Variants in GALNT13 observed in about 807,000 individuals in gnomAD.
The protein encoded by GALNT13 is UDP-GalNAc:polypeptide N-acetylgalactosaminyltransferase 13.
Under a neutral mutation model 64.2 loss-of-function variants are expected in GALNT13, and 28 were observed. That is an observed-to-expected ratio of 0.44 (90% CI 0.32 to 0.60). The LOEUF is 0.60. Among genes scored for constraint, GALNT13 ranks in the 20% least tolerant of loss-of-function variants. The pLI is 0.05. For missense variants in GALNT13, 577 were observed against 669.8 expected (o/e 0.86, Z 1.53); for synonymous variants, 214 against 224.6 (o/e 0.95, Z 0.42).
chr2:153,528,875 C>T, the GALNT13 span, among the ~76,000 whole-genome samples: 4 of 151,598 alleles, frequency 2.6e-5, no homozygotes, highest in African/African-American at 7.3e-5. Context: ...TTGAAACAAA[C>T]GACAATAGAA....
chr2:153,816,292 T>A, the GALNT13 span, among the ~76,000 whole-genome samples: 10 of 151,886 alleles, frequency 6.6e-5, no homozygotes, highest in African/African-American at 1.2e-4. Flanking sequence ...TCTGAGGAGA[T>A]GTGTGGGTGG....
intron 9 of GALNT13, among the ~76,000 whole-genome samples, chr2:154,335,143 C>A (rs1322094836): frequency 2.0e-5 from 3 of 151,874 alleles, no homozygotes; most frequent in African/African-American, 7.2e-5. Context: ...TCAACTGCAT[C>A]CTAATTGTTT....
At chr2:153,125,133 G>C in the GALNT13 span, among the ~76,000 whole-genome samples, 2 of 152,154 alleles carry the variant, frequency 1.3e-5, no homozygotes, top group African/African-American at 4.8e-5. Flanking sequence ...AACATAATTT[G>C]ATATTGATTT....
intron 9 of GALNT13, among the ~76,000 whole-genome samples, chr2:154,376,061 T>C (rs1697976042): frequency 2.0e-5 from 3 of 152,192 alleles, no homozygotes; most frequent in Admixed American, 2.0e-4. Context: ...GAATATATAA[T>C]TTGCCCTTCT....
intron 3 of GALNT13, among the ~76,000 whole-genome samples, chr2:154,126,511 G>T (rs373287449): frequency 6.6e-5 from 10 of 151,864 alleles, no homozygotes; most frequent in South Asian, 4.2e-4. Flanking sequence ...GGTGGGCGCC[G>T]GTAGTCCCAG....
the GALNT13 span, among the ~76,000 whole-genome samples, chr2:153,309,361 A>G: frequency 2.0e-5 from 3 of 152,160 alleles, no homozygotes; most frequent in Admixed American, 1.3e-4. Context: ...TATAACATGT[A>G]CAAGTCCTGT....
upstream of GALNT13, among the ~76,000 whole-genome samples, chr2:153,870,628 TACAGTTATTAACATAG>T (rs1685862108): frequency 6.6e-6 from 1 of 151,674 alleles, no homozygotes; most frequent in African/African-American, 2.4e-5. Flanking sequence ...GAGACATTAA[TACAGTTATTAACATAG>T]AAATTTAAAT....
chr2:154,304,786 A>G (rs560809394), intron 9 of GALNT13, among the ~76,000 whole-genome samples: 40 of 152,332 alleles, frequency 2.6e-4, no homozygotes, highest in African/African-American at 9.6e-4. Context: ...TTGTTTTATA[A>G]AATGGATTTA....
the GALNT13 span, among the ~76,000 whole-genome samples, chr2:153,418,897 G>A: frequency 6.6e-6 from 1 of 152,110 alleles, no homozygotes; most frequent in East Asian, 1.9e-4. Flanking sequence ...AAGGGAGAGT[G>A]GAAGGAAGGA....
the GALNT13 span, among the ~76,000 whole-genome samples, chr2:153,177,341 A>G: frequency 6.6e-6 from 1 of 152,140 alleles, no homozygotes; most frequent in African/African-American, 2.4e-5. Flanking sequence ...TAGAGGATAT[A>G]AAATAGAAAA....
intron 3 of GALNT13, among the ~76,000 whole-genome samples, chr2:153,974,345 A>T (rs757613168): frequency 6.6e-6 from 1 of 152,140 alleles, no homozygotes; most frequent in Non-Finnish European, 1.5e-5. Context: ...TATTTTAATC[A>T]ATCTGTCATT....
chr2:153,709,825 C>A, the GALNT13 span, among the ~76,000 whole-genome samples: 1 of 151,912 alleles, frequency 6.6e-6, no homozygotes, highest in African/African-American at 2.4e-5. Context: ...TAAGTTCTGT[C>A]ATTGTGACAA....
chr2:153,156,092 A>G, the GALNT13 span, among the ~76,000 whole-genome samples: 2 of 152,136 alleles, frequency 1.3e-5, no homozygotes, highest in African/African-American at 4.8e-5. Flanking sequence ...TCTGTGGACC[A>G]AGAGGCTGTT....
chr2:153,173,158 A>G, the GALNT13 span: 2 of 152,186 alleles, frequency 1.3e-5, no homozygotes, highest in East Asian at 3.9e-4. Flanking sequence ...CTACTTAGAC[A>G]TAAACCATAT....
At chr2:154,337,207 T>A (rs947561121) in intron 9 of GALNT13, among the ~76,000 whole-genome samples, 5 of 152,072 alleles carry the variant, frequency 3.3e-5, no homozygotes, top group African/African-American at 1.2e-4. Flanking sequence ...TCATGTTAGT[T>A]CAATATGAAG....
intron 1 of GALNT13, among the ~76,000 whole-genome samples, chr2:153,883,331 T>G (rs1449149379): frequency 6.6e-6 from 1 of 151,882 alleles, no homozygotes; most frequent in Non-Finnish European, 1.5e-5. Flanking sequence ...ATTGGACGTC[T>G]AGTAAGAAAA....
At chr2:154,290,793 G>A (rs1472708917) in intron 8 of GALNT13, among the ~76,000 whole-genome samples, 3 of 152,104 alleles carry the variant, frequency 2.0e-5, no homozygotes, top group East Asian at 1.9e-4. Flanking sequence ...ATGTTCGGAC[G>A]TGTCTAGAGT....
the GALNT13 span, among the ~76,000 whole-genome samples, chr2:153,651,331 C>T: frequency 2.0e-5 from 3 of 151,962 alleles, no homozygotes; most frequent in East Asian, 3.9e-4. Flanking sequence ...GAATGAGAAC[C>T]AATTTGGTGG....
At chr2:153,605,026 T>G in the GALNT13 span, among the ~76,000 whole-genome samples, 1 of 152,048 alleles carries the variant, frequency 6.6e-6, no homozygotes, top group Non-Finnish European at 1.5e-5. Flanking sequence ...CCAAAATTCG[T>G]ATCTCCTGAC....
Sources: gnomAD v4.1 joint callset for allele counts (sites outside exome capture counted in the v4.1 genomes callset) on GRCh38, gnomAD v4.1.1 for gene constraint, MANE v1.5 for transcripts, NCBI Gene and HGNC (gene_info 2026-07-23, HGNC 2026-07-21) for gene names.